Variants in LRFN2 observed in about 807,000 individuals in gnomAD.
LRFN2 encodes the protein leucine rich repeat and fibronectin type III domain containing 2.
LRFN2 carries 18 observed loss-of-function variants against 37.3 expected under a neutral mutation model. The observed-to-expected ratio is 0.48, with a 90% confidence interval of 0.33 to 0.72. The LOEUF (loss-of-function observed/expected upper bound fraction) is 0.72. Ranked by LOEUF, LRFN2 falls within the 30% of genes least tolerant of loss-of-function variation. The probability of loss-of-function intolerance (pLI) is 0.02; values close to 1 mark genes in which losing one functional copy is unlikely to be tolerated. For synonymous variants in LRFN2, 556 were observed against 466.6 expected, an observed-to-expected ratio of 1.19 and a Z score of -2.47; for missense variants, 1,006 against 1,060.7, an observed-to-expected ratio of 0.95 and a Z score of 0.72.
intron 2 of LRFN2, among the ~76,000 whole-genome samples, chr6:40,401,354 A>C (rs1416896594): frequency 1.3e-5 from 2 of 152,104 alleles, no homozygotes. Context: ...TCTCTGGGCC[A>C]GGTCTTCAGT....
chr6:40,559,875 T>C (rs1179382289), intron 1 of LRFN2, among the ~76,000 whole-genome samples: 2 of 152,142 alleles, frequency 1.3e-5, no homozygotes, highest in Non-Finnish European at 2.9e-5. Flanking sequence ...CAAGTCCCAC[T>C]CATGTGGGAG....
chr6:40,455,787 A>G (rs1341309934), intron 1 of LRFN2, among the ~76,000 whole-genome samples: 2 of 152,192 alleles, frequency 1.3e-5, no homozygotes, highest in Admixed American at 6.5e-5. Flanking sequence ...TGATTACATG[A>G]CATTGCAGGG....
intron 2 of LRFN2, among the ~76,000 whole-genome samples, chr6:40,396,774 A>G (rs1246599700): frequency 6.8e-6 from 1 of 146,622 alleles, no homozygotes; most frequent in Non-Finnish European, 1.5e-5. Flanking sequence ...TGGCGGTAGG[A>G]GGAGTTGGGG....
chr6:40,455,802 G>A (rs890060824), intron 1 of LRFN2, among the ~76,000 whole-genome samples: 3 of 152,188 alleles, frequency 2.0e-5, no homozygotes, highest in Non-Finnish European at 4.4e-5. Flanking sequence ...GCAGGGCAGA[G>A]GAAGTTTTGC....
chr6:40,410,812 C>T (rs926662217), intron 2 of LRFN2, among the ~76,000 whole-genome samples: 2 of 152,216 alleles, frequency 1.3e-5, no homozygotes, highest in Non-Finnish European at 2.9e-5. Context: ...GCAGAGGAGC[C>T]TTCCTATGGG....
intron 1 of LRFN2, among the ~76,000 whole-genome samples, chr6:40,567,735 C>A (rs79894442): frequency 0.028 from 4,225 of 152,300 alleles, 78 homozygotes; most frequent in East Asian, 0.052. Flanking sequence ...TTTTAGAGGA[C>A]TAGGCACTCC....
At chr6:40,509,028 C>A (rs1229338348) in intron 1 of LRFN2, among the ~76,000 whole-genome samples, 1 of 152,238 alleles carries the variant, frequency 6.6e-6, no homozygotes, top group African/African-American at 2.4e-5. Context: ...CTCCTTCCAC[C>A]TGTGAGGTCT....
chr6:40,522,596 G>A (rs1305323557), intron 1 of LRFN2, among the ~76,000 whole-genome samples: 1 of 152,140 alleles, frequency 6.6e-6, no homozygotes, highest in Non-Finnish European at 1.5e-5. Flanking sequence ...AAGGTAGCTG[G>A]GATGGAACCA....
chr6:40,392,360 G>C lies in LRFN2; in HGVS notation c.1953C>G (p.Pro651=). ...RIPPSAPRPK[P]SLDRLMGAFA... Reference sequence around the variant, plus strand: ...AGGCCCCCATCAGGCGGTCAAGGCTGGGCTTGGGGCGCGGGGCGGAGGGTG... The same window carrying C: ...AGGCCCCCATCAGGCGGTCAAGGCTCGGCTTGGGGCGCGGGGCGGAGGGTG... The change falls in exon 3 of 3, where the codon CCC becomes CCG. Residue 651 remains proline (P), a synonymous_variant. Coordinates refer to ENST00000338305, the MANE Select transcript of LRFN2 (RefSeq NM_020737.3). This position sits in a 1 kb window ranked among gnomAD's most constrained non-coding sequence, Gnocchi z 4.7. 2 of 1,605,798 alleles carry C rather than the reference G, an allele frequency of 1.2e-6. No individual in the cohort carries two copies. The highest frequency in any genetic ancestry group is 1.7e-6 in the Non-Finnish European group (2 of 1,176,730).
At chr6:40,490,347 G>A (rs1011171512) in intron 1 of LRFN2, among the ~76,000 whole-genome samples, 1 of 152,198 alleles carries the variant, frequency 6.6e-6, no homozygotes, top group Non-Finnish European at 1.5e-5. Context: ...CACCAGTGTG[G>A]AGAGATGGAG....
intron 1 of LRFN2, among the ~76,000 whole-genome samples, chr6:40,559,089 C>T (rs7749623): frequency 0.48 from 71,802 of 151,002 alleles, 18,049 homozygotes; most frequent in African/African-American, 0.65. Context: ...GTTGGGGTGT[C>T]AGGATGGTAA....
chr6:40,402,198 C>A (rs1237234295), intron 2 of LRFN2, among the ~76,000 whole-genome samples: 3 of 152,174 alleles, frequency 2.0e-5, no homozygotes, highest in Non-Finnish European at 4.4e-5. Context: ...ACTTGACAGG[C>A]AGAGTCTCTT....
chr6:40,404,113 A>G (rs1222790629), intron 2 of LRFN2, among the ~76,000 whole-genome samples: 1 of 152,144 alleles, frequency 6.6e-6, no homozygotes, highest in Non-Finnish European at 1.5e-5. Context: ...AGATCACGTT[A>G]TCAACACTGC....
intron 2 of LRFN2, among the ~76,000 whole-genome samples, chr6:40,415,320 G>T (rs1442758665): frequency 6.6e-6 from 1 of 152,058 alleles, no homozygotes; most frequent in African/African-American, 2.4e-5. Context: ...CCACCTCCTG[G>T]GTTCATGTGA....
chr6:40,453,401 T>C (rs996364122), intron 1 of LRFN2, among the ~76,000 whole-genome samples: 1 of 151,794 alleles, frequency 6.6e-6, no homozygotes, highest in Non-Finnish European at 1.5e-5. Context: ...TAAGCATCCA[T>C]GTAACAAGGA....
At chr6:40,436,685 C>A (rs1763685846) in intron 1 of LRFN2, among the ~76,000 whole-genome samples, 2 of 152,196 alleles carry the variant, frequency 1.3e-5, no homozygotes. Context: ...GGTGTTGATA[C>A]ATGGAAGCTT....
chr6:40,559,513 C>T (rs1477910616), intron 1 of LRFN2, among the ~76,000 whole-genome samples: 1 of 152,070 alleles, frequency 6.6e-6, no homozygotes, highest in Non-Finnish European at 1.5e-5. Context: ...TCTATGGGAG[C>T]CTGGCCTGGG....
intron 1 of LRFN2, among the ~76,000 whole-genome samples, chr6:40,444,528 T>G (rs997817697): frequency 3.3e-5 from 5 of 152,176 alleles, no homozygotes; most frequent in Non-Finnish European, 5.9e-5. Flanking sequence ...TTCCTAATAT[T>G]GTCTTTCTTC....
intron 1 of LRFN2, among the ~76,000 whole-genome samples, chr6:40,457,892 C>A (rs1437373106): frequency 6.6e-6 from 1 of 152,298 alleles, no homozygotes; most frequent in East Asian, 1.9e-4. Flanking sequence ...CAGATATGAT[C>A]ATCCAGCCCC....
Sources: allele counts gnomAD v4.1 joint callset (sites outside exome capture counted in the v4.1 genomes callset), GRCh38; gene constraint gnomAD v4.1.1; non-coding constraint Gnocchi (gnomAD v3.1); transcripts MANE v1.5; gene names NCBI Gene and HGNC (gene_info 2026-07-23, HGNC 2026-07-21).